The following FNBP1L variants were observed in gnomAD, a reference collection of about 807,000 sequenced individuals.
The protein encoded by FNBP1L is formin-binding protein 1-like.
In FNBP1L, 36 loss-of-function variants were observed where a neutral mutation model predicts 91.2. The ratio of observed to expected loss-of-function variants is 0.39; its 90% CI spans 0.30 to 0.52. The LOEUF (loss-of-function observed/expected upper bound fraction) is 0.52. Ranked by LOEUF, FNBP1L falls within the 20% of genes least tolerant of loss-of-function variation. FNBP1L has a pLI of 0.66. For missense variants in FNBP1L, 571 were observed against 732.1 expected, an observed-to-expected ratio of 0.78 and a Z score of 2.54; for synonymous variants, 242 against 237.0, an observed-to-expected ratio of 1.02 and a Z score of -0.19.
chr1:93,489,955 AAGTC>A (rs1670041783), intron 1 of FNBP1L, among the ~76,000 whole-genome samples: 1 of 152,236 alleles, frequency 6.6e-6, no homozygotes, highest in African/African-American at 2.4e-5. Context: ...CTTTGGCAGA[AAGTC>A]AGAGCCATAG....
chr1:93,468,578 G>A (rs965847205), intron 1 of FNBP1L, among the ~76,000 whole-genome samples: 3 of 152,024 alleles, frequency 2.0e-5, no homozygotes, highest in African/African-American at 4.8e-5. Flanking sequence ...CCACAGGCAC[G>A]TGCCATGACG....
At chr1:93,507,101 ACACACACTCTCTCTCTCTCTCT>A (rs1670656763) in intron 2 of FNBP1L, among the ~76,000 whole-genome samples, 13 of 56,702 alleles carry the variant, frequency 2.3e-4, no homozygotes, top group Admixed American at 1.3e-3. Context: ...ACACACACAC[ACACACACTCTCTCTCTCTCTCT>A]CTCTCTCTCT....
At chr1:93,524,415 G>A (rs1202097190) in intron 5 of FNBP1L, 92 bp downstream of exon 5, 1 of 833,210 alleles carries the variant, frequency 1.2e-6, no homozygotes, top group Non-Finnish European at 1.7e-6. Flanking sequence ...TGAGTTTAAT[G>A]TTTCTCAGTG....
chr1:93,551,233 T>A, intron 16 of FNBP1L, 128 bp downstream of exon 16: 1 of 1,391,360 alleles, frequency 7.2e-7, no homozygotes, highest in Non-Finnish European at 9.4e-7. Flanking sequence ...CATCCAAGAT[T>A]AATTGTTCAC....
Position 93,552,618 on chromosome 1 carries a change from C to G in FNBP1L, c.*202C>G, listed in dbSNP as rs1237992739. On this transcript the variant is annotated 3_prime_UTR_variant, in exon 17 of 17. Coordinates refer to ENST00000271234, the MANE Select transcript of FNBP1L (RefSeq NM_001164473.3). ...AAATCATAATACCAACCCTTAAGTT[C>G]CTAGTTCACAGTTATTCCCACAAAA... The G allele has an allele frequency of 4.3e-6, 2 of 460,058 alleles. No individual in the cohort carries two copies. Among genetic ancestry groups the G allele is most frequent in the Admixed American group, 4.1e-5 (1 of 24,192 alleles). 28.5% of individuals were successfully genotyped at this position (460,058 alleles called of 1,614,324 possible). A position where few individuals can be genotyped will look rare whatever the true frequency, so the allele number is the denominator to read the frequency against.
intron 5 of FNBP1L, 108 bp from the exon 6 acceptor site, chr1:93,529,544 A>G (rs1671607487): frequency 4.7e-6 from 3 of 640,598 alleles, no homozygotes; most frequent in Non-Finnish European, 7.7e-6. Context: ...GCACCCATCA[A>G]CCCGTCATCT....
At chr1:93,543,990 G>GCAAA in intron 11 of FNBP1L, 117 bp from the exon 12 acceptor site, 1 of 568,118 alleles carries the variant, frequency 1.8e-6, no homozygotes, top group Non-Finnish European at 2.7e-6. Flanking sequence ...GGGGTTGCTT[G>GCAAA]AGGCAAATTT....
intron 1 of FNBP1L, among the ~76,000 whole-genome samples, chr1:93,484,593 T>G (rs774512206): frequency 3.9e-5 from 6 of 152,322 alleles, no homozygotes; most frequent in Non-Finnish European, 7.4e-5. Context: ...GGGACCAAAC[T>G]GTGTTGCTAA....
chr1:93,469,075 C>A (rs1329096826), intron 1 of FNBP1L, among the ~76,000 whole-genome samples: 2 of 151,990 alleles, frequency 1.3e-5, no homozygotes, highest in Non-Finnish European at 2.9e-5. Flanking sequence ...TACCTGCTTA[C>A]CTCAGTTAAC....
intron 2 of FNBP1L, among the ~76,000 whole-genome samples, chr1:93,500,723 C>G (rs1400694519): frequency 6.6e-6 from 1 of 151,606 alleles, no homozygotes; most frequent in Admixed American, 6.6e-5. Flanking sequence ...TTGAGTGCCT[C>G]ATATATCCAC....
At chr1:93,551,815 A>G (rs753679900) in intron 16 of FNBP1L, 91 of 985,292 alleles carry the variant, frequency 9.2e-5, no homozygotes, top group Non-Finnish European at 1.0e-4. Flanking sequence ...GTAATTTTCA[A>G]TAATTTACAA....
intron 11 of FNBP1L, among the ~76,000 whole-genome samples, chr1:93,542,893 C>T (rs539686631): frequency 6.6e-6 from 1 of 151,142 alleles, no homozygotes; most frequent in African/African-American, 2.4e-5. Context: ...AAGTGATTCT[C>T]CTGCCTCAGC....
chr1:93,510,931 G>A (rs1409128603), intron 2 of FNBP1L, among the ~76,000 whole-genome samples: 1 of 152,100 alleles, frequency 6.6e-6, no homozygotes, highest in Non-Finnish European at 1.5e-5. Flanking sequence ...AACGAACAAA[G>A]CCTCGAAGAA....
intron 12 of FNBP1L, among the ~76,000 whole-genome samples, chr1:93,544,957 A>C (rs1672170671): frequency 6.6e-6 from 1 of 152,106 alleles, no homozygotes; most frequent in African/African-American, 2.4e-5. Flanking sequence ...TCTTAGGGAG[A>C]TACAGGGTTA....
In FNBP1L at chr1:93,467,794, G is replaced by A. The variant is rs568110041; in HGVS notation, c.24+19489G>A. ...TAACAAGACCCCAGCTCTTAAAAAA[G>A]GTAGGCTTGGCGGTGTGCGCAATAG... On this transcript the variant is annotated intron_variant, in intron 1 of 16. Transcript: ENST00000271234. Among the ~76,000 whole-genome samples, 4 of 152,104 alleles carry A rather than the reference G, an allele frequency of 2.6e-5. No individual in the cohort carries two copies. In the East Asian group the frequency reaches 7.7e-4, roughly 29 times the overall value.
intron 1 of FNBP1L, among the ~76,000 whole-genome samples, chr1:93,497,109 G>A (rs541956570): frequency 2.6e-5 from 4 of 152,106 alleles, no homozygotes; most frequent in South Asian, 4.2e-4. Flanking sequence ...ACAGGCATCC[G>A]CCACCACGCC....
intron 1 of FNBP1L, among the ~76,000 whole-genome samples, chr1:93,478,902 C>T (rs1031133250): frequency 9.9e-5 from 15 of 152,142 alleles, no homozygotes; most frequent in African/African-American, 3.6e-4. Context: ...TTCACACAGT[C>T]ACATTGACAA....
intron 5 of FNBP1L, among the ~76,000 whole-genome samples, chr1:93,524,663 T>C (rs1003884927): frequency 6.7e-6 from 1 of 150,362 alleles, no homozygotes; most frequent in African/African-American, 2.4e-5. Flanking sequence ...AAAGGAGATA[T>C]ATCTTAGAAG....
chr1:93,549,039 C>T (rs1329508390), intron 14 of FNBP1L, among the ~76,000 whole-genome samples: 1 of 151,998 alleles, frequency 6.6e-6, no homozygotes, highest in Non-Finnish European at 1.5e-5. Flanking sequence ...CTGAATAATA[C>T]TTTGTGCCTA....
Sources: allele counts gnomAD v4.1 joint callset (sites outside exome capture counted in the v4.1 genomes callset), GRCh38; gene constraint gnomAD v4.1.1; transcripts MANE v1.5; gene names NCBI Gene and HGNC (gene_info 2026-07-23, HGNC 2026-07-21).